The following XYLB variants were observed in gnomAD, a reference collection of about 807,000 sequenced individuals.
XYLB encodes the protein xylulokinase.
XYLB carries 62 observed loss-of-function variants against 78.7 expected under a neutral mutation model. The observed-to-expected ratio is 0.79, with a 90% CI of 0.64 to 0.97. The LOEUF (loss-of-function observed/expected upper bound fraction) is 0.97. Ranked by LOEUF, XYLB falls within the 50% of genes least tolerant of loss-of-function variation. XYLB has a pLI of 0.00. For synonymous variants in XYLB, 245 were observed against 247.4 expected, an observed-to-expected ratio of 0.99 and a Z score of 0.09; for missense variants, 687 against 676.8, an observed-to-expected ratio of 1.02 and a Z score of -0.17.
At chr3:38,372,098 A>G (rs1198582816) in intron 9 of XYLB, among the ~76,000 whole-genome samples, 1 of 152,144 alleles carries the variant, frequency 6.6e-6, no homozygotes, top group Non-Finnish European at 1.5e-5. Flanking sequence ...ATGTGGGGGA[A>G]CCACTCAAGA....
At chr3:38,384,748 CGGAATTGCCAATAT>C (rs1282610007) in intron 15 of XYLB, among the ~76,000 whole-genome samples, 2 of 152,226 alleles carry the variant, frequency 1.3e-5, no homozygotes, top group African/African-American at 4.8e-5. Context: ...TTGAATCATA[CGGAATTGCCAATAT>C]TGAAGAAGTT....
downstream of XYLB, among the ~76,000 whole-genome samples, chr3:38,426,126 A>T (rs1401113485): frequency 1.3e-5 from 2 of 152,238 alleles, no homozygotes; most frequent in Non-Finnish European, 2.9e-5. Context: ...CTGCCGCGGC[A>T]GCTGGAGTTG....
At chr3:38,355,765 AAC>A in intron 2 of XYLB, 1 of 703,656 alleles carries the variant, frequency 1.4e-6, no homozygotes, top group Non-Finnish European at 2.6e-6. Context: ...GCACATGTGG[AAC>A]ATGACAGAGC....
intron 17 of XYLB, among the ~76,000 whole-genome samples, chr3:38,399,381 A>C (rs1708029879): frequency 6.6e-6 from 1 of 152,098 alleles, no homozygotes; most frequent in South Asian, 2.1e-4. Context: ...TACAGGCATG[A>C]ATCCTAGTGC....
intron 4 of XYLB, among the ~76,000 whole-genome samples, chr3:38,364,419 C>T (rs959462457): frequency 6.6e-6 from 1 of 152,130 alleles, no homozygotes; most frequent in East Asian, 1.9e-4. Flanking sequence ...CGCTGCTCCC[C>T]CTGGTAATCC....
At chr3:38,431,510 A>T in the XYLB span, among the ~76,000 whole-genome samples, 1 of 152,154 alleles carries the variant, frequency 6.6e-6, no homozygotes, top group Admixed American at 6.5e-5. Flanking sequence ...GGACAATTTG[A>T]CTTCCTCTTT....
intron 18 of XYLB, among the ~76,000 whole-genome samples, chr3:38,402,801 G>C (rs557723269): frequency 8.5e-5 from 13 of 152,110 alleles, no homozygotes; most frequent in Non-Finnish European, 1.9e-4. Flanking sequence ...TGAGAACTCT[G>C]GTCATCTTCC....
chr3:38,374,336 C>A, intron 10 of XYLB, 126 bp from the exon 11 acceptor site: 1 of 1,380,884 alleles, frequency 7.2e-7, no homozygotes, highest in Non-Finnish European at 1.0e-6. Context: ...CCTGCTCCTG[C>A]CTCCACCCTA....
chr3:38,373,001 C>G (rs1012500627), intron 10 of XYLB, among the ~76,000 whole-genome samples: 1 of 152,198 alleles, frequency 6.6e-6, no homozygotes, highest in African/African-American at 2.4e-5. Flanking sequence ...TCAGTCTGCT[C>G]TCTCTGGATG....
At chr3:38,444,021 A>G in the XYLB span, among the ~76,000 whole-genome samples, 2 of 152,246 alleles carry the variant, frequency 1.3e-5, no homozygotes, top group Non-Finnish European at 1.5e-5. Flanking sequence ...CTGTCATTCT[A>G]TCATTTACTT....
intron 15 of XYLB, among the ~76,000 whole-genome samples, chr3:38,386,661 T>C (rs1707394103): frequency 6.6e-6 from 1 of 152,164 alleles, no homozygotes; most frequent in African/African-American, 2.4e-5. Context: ...TAAATTGAAA[T>C]CCTTAATTTG....
intron 13 of XYLB, 71 bp downstream of exon 13, chr3:38,376,303 C>A: frequency 3.6e-6 from 4 of 1,110,784 alleles, no homozygotes; most frequent in Non-Finnish European, 2.8e-6. Context: ...GAGCCTGGGG[C>A]CCCATGAGCT....
At chr3:38,452,564 A>C in the XYLB span, 1 of 151,758 alleles carries the variant, frequency 6.6e-6, no homozygotes. Context: ...CCTCCTACCG[A>C]GTAGTTGGAA....
intron 18 of XYLB, among the ~76,000 whole-genome samples, chr3:38,410,431 C>A (rs1312747693): frequency 3.3e-5 from 5 of 152,058 alleles, no homozygotes; most frequent in Non-Finnish European, 5.9e-5. Flanking sequence ...CATAAAAACC[C>A]TAGAGGAAAA....
chr3:38,446,250 T>C, the XYLB span, among the ~76,000 whole-genome samples: 1 of 152,186 alleles, frequency 6.6e-6, no homozygotes, highest in African/African-American at 2.4e-5. Context: ...TACAAACGTC[T>C]AGCTAGCCAC....
intron 15 of XYLB, among the ~76,000 whole-genome samples, chr3:38,385,798 A>G (rs1707358801): frequency 6.6e-6 from 1 of 152,062 alleles, no homozygotes; most frequent in Admixed American, 6.5e-5. Flanking sequence ...GACTTCTCTG[A>G]GTGGGAGAGA....
At chr3:38,365,771 C>T in intron 6 of XYLB, 35 bp downstream of exon 6, 7 of 1,589,200 alleles carry the variant, frequency 4.4e-6, no homozygotes, top group Non-Finnish European at 6.0e-6. Flanking sequence ...AGGGGGTGGT[C>T]TGGTTGCAAG....
intron 9 of XYLB, 186 bp downstream of exon 9, chr3:38,370,360 T>C (rs964597190): frequency 3.5e-6 from 2 of 565,406 alleles, no homozygotes; most frequent in African/African-American, 1.9e-5. Context: ...TCTGGATCAG[T>C]GCCTTGCACA....
At chr3:38,387,682 C>T (rs754122068) in intron 15 of XYLB, among the ~76,000 whole-genome samples, 1 of 152,194 alleles carries the variant, frequency 6.6e-6, no homozygotes, top group Non-Finnish European at 1.5e-5. Flanking sequence ...TTCAGATGGA[C>T]AATTTCTATC....
Sources: gnomAD v4.1 joint callset for allele counts (sites outside exome capture counted in the v4.1 genomes callset) on GRCh38, gnomAD v4.1.1 for gene constraint, MANE v1.5 for transcripts, NCBI Gene and HGNC (gene_info 2026-07-23, HGNC 2026-07-21) for gene names.